CUX2: variants seen among roughly 807,000 people sequenced by gnomAD.
CUX2 encodes the protein homeobox protein cut-like 2.
Under a neutral mutation model 144.8 loss-of-function variants are expected in CUX2, and 40 were observed. The ratio of observed to expected loss-of-function variants is 0.28; its 90% CI spans 0.21 to 0.36. CUX2 has a LOEUF of 0.36. Ranked by LOEUF, CUX2 falls within the 10% of genes least tolerant of loss-of-function variation. The pLI, the probability that CUX2 is intolerant of heterozygous loss-of-function variation, is 1.00. For missense variants in CUX2, 1,615 were observed against 1,994.0 expected, an observed-to-expected ratio of 0.81 and a Z score of 3.62; for synonymous variants, 827 against 875.6, an observed-to-expected ratio of 0.94 and a Z score of 0.98.
At chr12:111,146,952 G>A (rs374998764) in intron 1 of CUX2, among the ~76,000 whole-genome samples, 2 of 152,210 alleles carry the variant, frequency 1.3e-5, no homozygotes, top group Admixed American at 6.5e-5. Context: ...TAACCAACAT[G>A]GTGAAACCCT....
intron 4 of CUX2, among the ~76,000 whole-genome samples, chr12:111,286,677 A>C (rs1042999773): frequency 6.6e-6 from 1 of 152,154 alleles, no homozygotes; most frequent in African/African-American, 2.4e-5. Flanking sequence ...GTTTGAGACC[A>C]GCCTGGCCAA....
rs543644206 is a variant in CUX2, at chr12:111,210,797, C to CA, written c.64-3390dup. Among the ~76,000 whole-genome samples the CA allele has an allele frequency of 4.6e-3, 576 of 125,118 alleles. 3 individuals carry two copies. Among genetic ancestry groups the CA allele is most frequent in the South Asian group, 0.016 (59 of 3,590 alleles). 82.1% of individuals were successfully genotyped at this position (125,118 alleles called of 152,430 possible). A position where few individuals can be genotyped will look rare whatever the true frequency, so the allele number is the denominator to read the frequency against. On this transcript the variant is annotated intron_variant, in intron 1 of 21. Coordinates refer to ENST00000261726, the MANE Select transcript of CUX2 (RefSeq NM_015267.4). Reference sequence around the variant, plus strand: ...AGGTGACAAGAGTGAGACCCTGTCTCAAAAAAAAAAAAAGACAACATTTAT... The same window carrying CA: ...AGGTGACAAGAGTGAGACCCTGTCTCAAAAAAAAAAAAAAGACAACATTTAT...
At chr12:111,119,053 G>C (rs1049690393) in intron 1 of CUX2, among the ~76,000 whole-genome samples, 7 of 152,194 alleles carry the variant, frequency 4.6e-5, no homozygotes, top group Non-Finnish European at 1.5e-5. Flanking sequence ...TAATTCATGG[G>C]AAACTTTCTC....
At chr12:111,180,507 C>A (rs969853967) in intron 1 of CUX2, among the ~76,000 whole-genome samples, 1 of 152,114 alleles carries the variant, frequency 6.6e-6, no homozygotes, top group Non-Finnish European at 1.5e-5. Context: ...TACGACAGGC[C>A]GAGAAATAAT....
chr12:111,065,876 T>C (rs1007570127), intron 1 of CUX2, among the ~76,000 whole-genome samples: 1 of 152,232 alleles, frequency 6.6e-6, no homozygotes, highest in African/African-American at 2.4e-5. Context: ...GTTTCTATTT[T>C]AACAAATTGC....
At chr12:111,333,328 G>T (rs1888202416) in intron 18 of CUX2, among the ~76,000 whole-genome samples, 1 of 152,130 alleles carries the variant, frequency 6.6e-6, no homozygotes, top group South Asian at 2.1e-4. Flanking sequence ...AGGTTGCAGT[G>T]AGTTATCACC....
At chr12:111,164,515 G>A (rs1195028689) in intron 1 of CUX2, among the ~76,000 whole-genome samples, 1 of 152,030 alleles carries the variant, frequency 6.6e-6, no homozygotes, top group Admixed American at 6.6e-5. Context: ...GGTGGAGGTT[G>A]CAGTGAGCAG....
intron 18 of CUX2, among the ~76,000 whole-genome samples, chr12:111,326,481 T>C (rs1353194337): frequency 6.6e-6 from 1 of 151,612 alleles, no homozygotes; most frequent in Non-Finnish European, 1.5e-5. Context: ...TTTATAGTGT[T>C]GTGGTGATGG....
chr12:111,234,156 T>C (rs937772625), intron 3 of CUX2, among the ~76,000 whole-genome samples: 1 of 152,200 alleles, frequency 6.6e-6, no homozygotes, highest in African/African-American at 2.4e-5. Context: ...CATAACCCTG[T>C]CTGCTGCCCT....
chr12:111,283,067 A>C (rs1452247195), intron 4 of CUX2, among the ~76,000 whole-genome samples: 1 of 151,910 alleles, frequency 6.6e-6, no homozygotes, highest in Non-Finnish European at 1.5e-5. Flanking sequence ...ACAAAAAAAA[A>C]ATTAGCCAGG....
At chr12:111,144,095 C>T (rs1876508946) in intron 1 of CUX2, among the ~76,000 whole-genome samples, 1 of 152,192 alleles carries the variant, frequency 6.6e-6, no homozygotes, top group Non-Finnish European at 1.5e-5. Context: ...GGTGCCTGTA[C>T]TGCTGTATGA....
chr12:111,227,005 C>T (rs1045781771), intron 3 of CUX2, among the ~76,000 whole-genome samples: 18 of 152,230 alleles, frequency 1.2e-4, no homozygotes, highest in African/African-American at 4.3e-4. Flanking sequence ...TCAGTGCTCA[C>T]GTCTGCCTCC....
In CUX2 at chr12:111,068,412, G is replaced by T. The variant is rs748289652; in HGVS notation, c.63+34172G>T. Among the ~76,000 whole-genome samples, 13 of 152,250 alleles carry T rather than the reference G, an allele frequency of 8.5e-5. No homozygotes were observed. Among genetic ancestry groups the T allele is most frequent in the Non-Finnish European group, 1.8e-4 (12 of 68,034 alleles). On this transcript the variant is annotated intron_variant, in intron 1 of 21. Coordinates refer to ENST00000261726, the MANE Select transcript of CUX2 (RefSeq NM_015267.4). The surrounding 1 kb of genome is among the most constrained non-coding windows in gnomAD (Gnocchi z 4.9). ...GCCAGCCGGCCGATTTCTGTCCTTTGAAGACGCTTGTCAGCGAGTGCTGCG... is the reference window on the plus strand; with the variant it reads ...GCCAGCCGGCCGATTTCTGTCCTTTTAAGACGCTTGTCAGCGAGTGCTGCG...
At chr12:111,344,381 T>G (rs149753057) in intron 21 of CUX2, among the ~76,000 whole-genome samples, 33 of 152,362 alleles carry the variant, frequency 2.2e-4, no homozygotes, top group Admixed American at 1.8e-3. Flanking sequence ...AAGGGAATTC[T>G]GCCTGGGGAG....
intron 5 of CUX2, 144 bp downstream of exon 5, chr12:111,291,696 G>C (rs1292545405): frequency 2.2e-6 from 2 of 916,740 alleles, no homozygotes; most frequent in African/African-American, 1.7e-5. Context: ...TAGTTCCTGG[G>C]TATATATTGA....
chr12:111,310,005 CGTCTGTCT>C lies in CUX2; in HGVS notation c.1259-18_1259-11del, dbSNP rs200995431. On this transcript the variant is annotated intron_variant, in intron 14 of 21. Coordinates refer to ENST00000261726, the MANE Select transcript of CUX2 (RefSeq NM_015267.4). The surrounding 1 kb of genome is among the most constrained non-coding windows in gnomAD (Gnocchi z 7.9). The stretch of plus-strand genomic sequence containing the variant: ...TCTCTCCCCTCATCATCGTCTTCCC[CGTCTGTCT>C]GTCTGTCTGTCTGTCTGGGTGTTCT... The C allele has an allele frequency of 1.3e-5, 17 of 1,266,088 alleles. No individual in the cohort carries two copies. The highest frequency in any genetic ancestry group is 6.1e-5 in the East Asian group (2 of 32,970). The allele number at this position is 1,266,088 out of a possible 1,614,324, so 78.4% of individuals were successfully genotyped here.
chr12:111,293,688 C>A lies in CUX2; in HGVS notation c.560+119C>A. On this transcript the variant is annotated intron_variant, in intron 6 of 21. Coordinates refer to ENST00000261726, the MANE Select transcript of CUX2 (RefSeq NM_015267.4). This position sits in a 1 kb window ranked among gnomAD's most constrained non-coding sequence, Gnocchi z 4.5. ...CAGAATCCAGATGCAGGCTGGAGAC[C>A]GAGATGAGAAAGGGCCGAGGGCTTT... 1 of 1,380,404 alleles carries A rather than the reference C, an allele frequency of 7.2e-7. No individual in the cohort carries two copies. The highest frequency in any genetic ancestry group is 9.7e-7 in the Non-Finnish European group (1 of 1,030,600). The allele number at this position is 1,380,404 out of a possible 1,614,324, so 85.5% of individuals were successfully genotyped here.
chr12:111,069,106 AAG>A (rs948509992), intron 1 of CUX2, among the ~76,000 whole-genome samples: 1 of 152,142 alleles, frequency 6.6e-6, no homozygotes, highest in African/African-American at 2.4e-5. Context: ...CTCGGTCTAA[AAG>A]AAAGAAAAAA....
intron 8 of CUX2, 148 bp from the exon 9 acceptor site, chr12:111,298,393 A>T: frequency 1.3e-6 from 1 of 741,708 alleles, no homozygotes; most frequent in South Asian, 1.8e-5. Flanking sequence ...CTCGAAGCCT[A>T]GGCTCTTTTC....
Sources: gnomAD v4.1 joint callset for allele counts (sites outside exome capture counted in the v4.1 genomes callset) on GRCh38, gnomAD v4.1.1 for gene constraint, Gnocchi (gnomAD v3.1) non-coding constraint, MANE v1.5 for transcripts, NCBI Gene and HGNC (gene_info 2026-07-23, HGNC 2026-07-21) for gene names.